Variants in FNTB observed in about 807,000 individuals in gnomAD.
FNTB encodes the protein protein farnesyltransferase subunit beta.
A neutral mutation model predicts 59.4 loss-of-function variants in FNTB; 27 were observed. The ratio of observed to expected loss-of-function variants is 0.45; its 90% confidence interval spans 0.34 to 0.63. FNTB has a LOEUF of 0.63. Among genes scored for constraint, FNTB ranks in the 20% least tolerant of loss-of-function variants. The pLI, the probability that FNTB is intolerant of heterozygous loss-of-function variation, is 0.02. For synonymous variants in FNTB, 230 were observed against 220.7 expected (o/e 1.04, Z -0.37); for missense variants, 449 against 559.6 (o/e 0.80, Z 1.99).
chr14:64,989,531 TA>T (rs202226077), intron 1 of FNTB, among the ~76,000 whole-genome samples: 26 of 145,134 alleles, frequency 1.8e-4, no homozygotes, highest in Admixed American at 2.1e-4. Flanking sequence ...CTTTTCAAAT[TA>T]AAAAAAAAAA....
intron 1 of FNTB, among the ~76,000 whole-genome samples, chr14:65,002,435 C>T (rs902902960): frequency 6.6e-6 from 1 of 152,124 alleles, no homozygotes; most frequent in Non-Finnish European, 1.5e-5. Context: ...ATGGTGAAAC[C>T]TCATCTCTAC....
intron 1 of FNTB, among the ~76,000 whole-genome samples, chr14:64,992,824 A>G (rs939626157): frequency 2.0e-5 from 3 of 151,208 alleles, no homozygotes; most frequent in Admixed American, 6.6e-5. Context: ...TAACCACTTT[A>G]TTACTTTTTC....
intron 4 of FNTB, among the ~76,000 whole-genome samples, chr14:65,026,175 G>T (rs2061977104): frequency 6.6e-6 from 1 of 152,182 alleles, no homozygotes; most frequent in Admixed American, 6.5e-5. Context: ...TGTTGTAAAT[G>T]GAGGTTTCTC....
At chr14:65,040,769 C>T (rs1172419563) in intron 7 of FNTB, 21 bp from the exon 8 acceptor site, 18 of 1,608,766 alleles carry the variant, frequency 1.1e-5, no homozygotes, top group Non-Finnish European at 1.4e-5. Context: ...ACTCATTCTG[C>T]TTTTCTCAAT....
intron 4 of FNTB, 26 bp downstream of exon 4, chr14:65,015,742 G>T (rs748168010): frequency 1.2e-6 from 2 of 1,606,380 alleles, no homozygotes; most frequent in South Asian, 2.2e-5. Context: ...GGAAATCTGG[G>T]GTGTTCTCTG....
chr14:65,062,355 A>G lies in FNTB; in HGVS notation c.*1043A>G, dbSNP rs1333722250. ...ACACACTGGCTGCTACTAAGGCACTAGCCTCTGTAGCTGGTGGTGGCAGCG... is the reference window on the plus strand; with the variant it reads ...ACACACTGGCTGCTACTAAGGCACTGGCCTCTGTAGCTGGTGGTGGCAGCG... On this transcript the variant is annotated 3_prime_UTR_variant, in exon 12 of 12. Coordinates refer to ENST00000246166, the MANE Select transcript of FNTB (RefSeq NM_002028.4). The surrounding 1 kb of genome is among the most constrained non-coding windows in gnomAD (Gnocchi z 4.3). The G allele has an allele frequency of 2.0e-5, 3 of 152,412 alleles. No homozygotes were observed. Among genetic ancestry groups the G allele is most frequent in the Admixed American group, 1.3e-4 (2 of 15,290 alleles). The allele number at this position is 152,412 out of a possible 1,614,324, so 9.4% of individuals were successfully genotyped here. A position where few individuals can be genotyped will look rare whatever the true frequency, so the allele number is the denominator to read the frequency against.
rs370877018 is a variant in FNTB at position 65,047,871 on chromosome 14, C to G, written c.955+3428C>G. ...TGGAGCAGTGCCTGGGCACACAGCCCGAGATGTACACAGCTTTTCCTGGAA... is the reference window on the plus strand; with the variant it reads ...TGGAGCAGTGCCTGGGCACACAGCCGGAGATGTACACAGCTTTTCCTGGAA... On this transcript the variant is annotated intron_variant, in intron 9 of 11. Transcript: ENST00000246166. The surrounding 1 kb of genome is among the most constrained non-coding windows in gnomAD (Gnocchi z 5.2). Among the ~76,000 whole-genome samples the G allele has an allele frequency of 6.6e-6, 1 of 152,002 alleles. No individual in the cohort carries two copies. Among genetic ancestry groups the G allele is most frequent in the Non-Finnish European group, 1.5e-5 (1 of 68,030 alleles).
chr14:65,049,789 A>C (rs537734354), intron 9 of FNTB, among the ~76,000 whole-genome samples: 1 of 152,166 alleles, frequency 6.6e-6, no homozygotes, highest in Non-Finnish European at 1.5e-5. Flanking sequence ...GCTTTTTTAA[A>C]TAATAGCTTT....
intron 2 of FNTB, among the ~76,000 whole-genome samples, chr14:65,008,781 A>G (rs1362817755): frequency 6.6e-6 from 1 of 152,226 alleles, no homozygotes; most frequent in Non-Finnish European, 1.5e-5. Flanking sequence ...CACATTGTGA[A>G]GAGTCTGGAA....
At chr14:65,016,233 C>T (rs1303197710) in intron 4 of FNTB, among the ~76,000 whole-genome samples, 1 of 152,164 alleles carries the variant, frequency 6.6e-6, no homozygotes, top group Non-Finnish European at 1.5e-5. Context: ...TTTCCTAAAC[C>T]TGATCGATGA....
chr14:65,046,921 G>T (rs935885558), intron 9 of FNTB, among the ~76,000 whole-genome samples: 1 of 151,988 alleles, frequency 6.6e-6, no homozygotes, highest in Non-Finnish European at 1.5e-5. Context: ...GACAACAAAA[G>T]TTATTTTACA....
chr14:65,004,042 C>G (rs1445126082), intron 1 of FNTB, among the ~76,000 whole-genome samples: 1 of 152,126 alleles, frequency 6.6e-6, no homozygotes, highest in East Asian at 1.9e-4. Flanking sequence ...CTGGAAAAGT[C>G]CATTGTGATG....
At position 65,044,316 on chromosome 14, in the gene FNTB, G is replaced by T; in HGVS notation, c.828G>T (p.Trp276Cys). Residue 276 changes from tryptophan to cysteine, a missense_variant, in exon 9 of 12, where the codon TGG becomes TGT. Around this residue, in one of 2 missense-constraint regions of FNTB, gnomAD observed 337 missense variants for 479.1 expected, o/e 0.70. Coordinates refer to ENST00000246166, the MANE Select transcript of FNTB (RefSeq NM_002028.4). This position sits in a 1 kb window ranked among gnomAD's most constrained non-coding sequence, Gnocchi z 5.5. Reference sequence around the variant, plus strand: ...TCCCATCTGTGTCTCCTCAGCAATGGGTGACAAGCCGGCAGATGCGATTTG... The same window carrying T: ...TCCCATCTGTGTCTCCTCAGCAATGTGTGACAAGCCGGCAGATGCGATTTG... ...RSLNLKSLLQ[W>C]VTSRQMRFEG... The T allele has an allele frequency of 6.2e-7, 1 of 1,613,324 alleles. No homozygotes were observed. The highest frequency in any genetic ancestry group is 8.5e-7 in the Non-Finnish European group (1 of 1,179,706).
intron 11 of FNTB, among the ~76,000 whole-genome samples, chr14:65,056,284 T>C (rs1165628467): frequency 6.6e-6 from 1 of 152,234 alleles, no homozygotes; most frequent in Non-Finnish European, 1.5e-5. Context: ...CTTATATAAA[T>C]GTACCCCAGT....
At chr14:65,043,976 A>G (rs1412238612) in intron 8 of FNTB, among the ~76,000 whole-genome samples, 1 of 151,826 alleles carries the variant, frequency 6.6e-6, no homozygotes, top group Admixed American at 6.6e-5. Flanking sequence ...AGCCATGTTT[A>G]TTAAGAGACT....
At chr14:65,008,487 T>C (rs776747137) in intron 2 of FNTB, among the ~76,000 whole-genome samples, 7 of 152,124 alleles carry the variant, frequency 4.6e-5, no homozygotes, top group Non-Finnish European at 1.0e-4. Context: ...ATTAAACAAA[T>C]GAACACAAAT....
At chr14:64,987,358 C>T in intron 1 of FNTB, 1 of 543,106 alleles carries the variant, frequency 1.8e-6, no homozygotes, top group Non-Finnish European at 3.3e-6. Context: ...CCCTAAAGAA[C>T]GAGAAGAATC....
At chr14:65,041,529 C>T (rs557692984) in intron 8 of FNTB, among the ~76,000 whole-genome samples, 8 of 152,288 alleles carry the variant, frequency 5.3e-5, no homozygotes, top group African/African-American at 1.4e-4. Context: ...AGGCATTCCC[C>T]GTCATGTCAT....
intron 4 of FNTB, among the ~76,000 whole-genome samples, chr14:65,022,447 G>A (rs182750912): frequency 6.6e-6 from 1 of 152,034 alleles, no homozygotes; most frequent in Non-Finnish European, 1.5e-5. Context: ...TTACCTACTA[G>A]AATGTTTATG....
Sources: allele counts gnomAD v4.1 joint callset (sites outside exome capture counted in the v4.1 genomes callset), GRCh38; gene constraint gnomAD v4.1.1; regional missense constraint gnomAD v4.1.1; non-coding constraint Gnocchi (gnomAD v3.1); transcripts MANE v1.5; gene names NCBI Gene and HGNC (gene_info 2026-07-23, HGNC 2026-07-21).